Variants in SEMA3C observed in about 807,000 individuals in gnomAD.
The protein encoded by SEMA3C is semaphorin-3C.
Under a neutral mutation model 89.4 loss-of-function variants are expected in SEMA3C, and 47 were observed. The observed-to-expected ratio is 0.53, with a 90% CI of 0.42 to 0.67. SEMA3C has a LOEUF of 0.67. SEMA3C is among the 30% of genes least tolerant of loss of function. The pLI is 0.00. For missense variants in SEMA3C, 839 were observed against 929.1 expected, an observed-to-expected ratio of 0.90 and a Z score of 1.26; for synonymous variants, 310 against 320.2, an observed-to-expected ratio of 0.97 and a Z score of 0.34.
intron 12 of SEMA3C, among the ~76,000 whole-genome samples, chr7:80,782,628 C>G (rs1677756940): frequency 6.6e-6 from 1 of 152,176 alleles, no homozygotes; most frequent in East Asian, 1.9e-4. Flanking sequence ...TAACTGCTAT[C>G]TCTATGATAT....
In SEMA3C at chr7:80,789,423, G is replaced by C; in HGVS notation, c.1237C>G (p.Pro413Ala). 1 of 1,613,944 alleles carries C rather than the reference G, an allele frequency of 6.2e-7. No homozygotes were observed. The highest frequency in any genetic ancestry group is 8.5e-7 in the Non-Finnish European group (1 of 1,179,950). Residue 413 changes from proline to alanine, a missense_variant, in exon 12 of 18, where the codon CCA becomes GCA. Physicochemically the swap from Pro to Ala is conservative, Grantham distance 27 (BLOSUM62 -1). Coordinates refer to ENST00000265361, the MANE Select transcript of SEMA3C (RefSeq NM_006379.5). ...ACAATCAAAGGCCTTTTGTGGATTG[G>C]GTAGATGGAATTGTACATGAGAGGA... is the stretch of plus-strand genomic sequence containing the variant. ...NHPLMYNSIY[P>A]IHKRPLIVRI...
chr7:80,825,355 C>T (rs1789847606), intron 4 of SEMA3C, among the ~76,000 whole-genome samples: 1 of 152,074 alleles, frequency 6.6e-6, no homozygotes, highest in Admixed American at 6.6e-5. Context: ...CCAGCCGAGT[C>T]CTAAAAATAC....
At chr7:80,761,358 A>T (rs1410921927) in intron 14 of SEMA3C, among the ~76,000 whole-genome samples, 12 of 152,146 alleles carry the variant, frequency 7.9e-5, no homozygotes, top group Admixed American at 7.9e-4. Flanking sequence ...AGAAAATCAG[A>T]TATACAAAAT....
intron 17 of SEMA3C, among the ~76,000 whole-genome samples, chr7:80,747,835 G>A (rs1212181061): frequency 6.6e-6 from 1 of 152,072 alleles, no homozygotes; most frequent in Non-Finnish European, 1.5e-5. Flanking sequence ...CCTGCAAGTA[G>A]TCATCTGCTT....
At chr7:80,758,218 A>G (rs1422542974) in intron 15 of SEMA3C, 113 bp downstream of exon 15, 4 of 1,156,918 alleles carry the variant, frequency 3.5e-6, no homozygotes, top group Non-Finnish European at 4.9e-6. Flanking sequence ...CATAGCTTCT[A>G]CCTTTAATGT....
At chr7:80,817,741 A>G (rs1487260608) in intron 5 of SEMA3C, among the ~76,000 whole-genome samples, 1 of 152,188 alleles carries the variant, frequency 6.6e-6, no homozygotes, top group Non-Finnish European at 1.5e-5. Flanking sequence ...GGTCTAAGAT[A>G]AAAGTATGAT....
chr7:80,800,886 A>T, intron 9 of SEMA3C, 60 bp from the exon 10 acceptor site: 1 of 1,080,668 alleles, frequency 9.3e-7, no homozygotes, highest in Non-Finnish European at 1.3e-6. Flanking sequence ...GTTTTGAAAA[A>T]TTTACCCTAA....
intron 2 of SEMA3C, among the ~76,000 whole-genome samples, chr7:80,869,139 A>G (rs1790997907): frequency 6.6e-6 from 1 of 152,174 alleles, no homozygotes; most frequent in Non-Finnish European, 1.5e-5. Context: ...AAATCAGCAC[A>G]ATTTTTAGTC....
chr7:80,811,187 T>C lies in SEMA3C; in HGVS notation c.448-486A>G, dbSNP rs79441248. Among the ~76,000 whole-genome samples, 20 of 152,288 alleles carry C rather than the reference T, an allele frequency of 1.3e-4. No individual in the cohort carries two copies. The East Asian group carries it at 3.7e-3, about 28-fold the overall frequency. ...TCAACAAAATAATTCATAATTCATATTTAAAATGTGTCATTTACTCATGAC... is the reference window on the plus strand; with the variant it reads ...TCAACAAAATAATTCATAATTCATACTTAAAATGTGTCATTTACTCATGAC... On this transcript the variant is annotated intron_variant, in intron 5 of 17. Transcript: ENST00000265361.
At chr7:80,834,802 T>G (rs1288152120) in intron 2 of SEMA3C, among the ~76,000 whole-genome samples, 2 of 152,194 alleles carry the variant, frequency 1.3e-5, no homozygotes, top group African/African-American at 4.8e-5. Flanking sequence ...TATTTGCATA[T>G]AACCTACCCA....
At chr7:80,809,147 G>T (rs186477017) in intron 6 of SEMA3C, among the ~76,000 whole-genome samples, 11 of 152,256 alleles carry the variant, frequency 7.2e-5, no homozygotes, top group Middle Eastern at 3.4e-3. Context: ...GGTATTCAAT[G>T]ACTGAGGTTT....
intron 16 of SEMA3C, among the ~76,000 whole-genome samples, chr7:80,750,465 T>TAC (rs1222077930): frequency 9.4e-5 from 6 of 63,894 alleles, no homozygotes; most frequent in African/African-American, 2.3e-4. Flanking sequence ...TATATATATA[T>TAC]ATATATATAC....
At chr7:80,831,759 G>T (rs1440345133) in intron 2 of SEMA3C, among the ~76,000 whole-genome samples, 8 of 152,146 alleles carry the variant, frequency 5.3e-5, no homozygotes, top group African/African-American at 1.9e-4. Context: ...TGTGAGAAAT[G>T]CCTAAAACAA....
At chr7:80,848,193 A>G (rs1790433732) in intron 2 of SEMA3C, among the ~76,000 whole-genome samples, 1 of 152,194 alleles carries the variant, frequency 6.6e-6, no homozygotes, top group South Asian at 2.1e-4. Context: ...ATCAGCACCA[A>G]TAACTAAAGT....
chr7:80,919,012 G>A lies in SEMA3C; in HGVS notation c.-223C>T. ...TCAGCGCTGCAGTGCCGCGGCACCC[G>A]GAGCTCTTCTCCGCGTCGCTCAATC... On this transcript the variant is annotated 5_prime_UTR_variant, in exon 1 of 18. Transcript: ENST00000265361. 2.0e-6 allele frequency: 2 copies of A among 985,342 alleles called. No individual in the cohort carries two copies. Among genetic ancestry groups the A allele is most frequent in the Non-Finnish European group, 1.2e-6 (1 of 829,906 alleles). 61.0% of individuals were successfully genotyped at this position (985,342 alleles called of 1,614,324 possible). A position where few individuals can be genotyped will look rare whatever the true frequency, so the allele number is the denominator to read the frequency against.
chr7:80,905,890 A>T (rs1477819537), intron 2 of SEMA3C: 2 of 1,289,586 alleles, frequency 1.6e-6, no homozygotes, highest in African/African-American at 3.0e-5. Context: ...CCACAGATGT[A>T]GCACACAGCA....
chr7:80,858,794 A>G (rs1790703741), intron 2 of SEMA3C, among the ~76,000 whole-genome samples: 1 of 152,170 alleles, frequency 6.6e-6, no homozygotes, highest in Non-Finnish European at 1.5e-5. Context: ...GTTTAATTAC[A>G]GCAAATGTAC....
intron 6 of SEMA3C, among the ~76,000 whole-genome samples, chr7:80,809,878 T>A (rs1789426880): frequency 6.6e-6 from 1 of 151,930 alleles, no homozygotes; most frequent in African/African-American, 2.4e-5. Flanking sequence ...TAAGGTGTGA[T>A]CTCACTTACA....
intron 12 of SEMA3C, among the ~76,000 whole-genome samples, chr7:80,788,657 T>C (rs1788860623): frequency 1.3e-5 from 2 of 152,316 alleles, no homozygotes; most frequent in South Asian, 4.1e-4. Context: ...CAGAGTAAAC[T>C]GATAGAATTT....
Sources: allele counts gnomAD v4.1 joint callset (sites outside exome capture counted in the v4.1 genomes callset), GRCh38; gene constraint gnomAD v4.1.1; transcripts MANE v1.5; gene names NCBI Gene and HGNC (gene_info 2026-07-23, HGNC 2026-07-21).